The following STK11 variants were observed in gnomAD, a reference collection of about 807,000 sequenced individuals.
STK11 encodes the protein serine/threonine kinase 11, also known as serine/threonine-protein kinase STK11.
Under a neutral mutation model 47.3 loss-of-function variants are expected in STK11, and 8 were observed. The ratio of observed to expected loss-of-function variants is 0.17; its 90% confidence interval spans 0.10 to 0.31. The LOEUF (loss-of-function observed/expected upper bound fraction) is 0.31. Ranked by LOEUF, STK11 falls within the 10% of genes least tolerant of loss-of-function variation. STK11 has a pLI of 1.00. For synonymous variants in STK11, 330 were observed against 255.8 expected (o/e 1.29, Z -2.77); for missense variants, 475 against 605.0 (o/e 0.79, Z 2.25).
intron 1 of STK11, among the ~76,000 whole-genome samples, chr19:1,213,845 T>C (rs1432200637): frequency 6.6e-6 from 1 of 151,930 alleles, no homozygotes; most frequent in Non-Finnish European, 1.5e-5. Flanking sequence ...TGGGTCTCCA[T>C]GTGCCTCCCA....
In STK11 at chr19:1,219,428, C is replaced by T. The variant is rs1057521355; in HGVS notation, c.464+15C>T. 1.3e-6 allele frequency: 2 copies of T among 1,553,968 alleles called. No homozygotes were observed. The highest frequency in any genetic ancestry group is 4.9e-5 in the East Asian group (2 of 40,582). On this transcript the variant is annotated intron_variant, in intron 3 of 9. Coordinates refer to ENST00000326873, the MANE Select transcript of STK11 (RefSeq NM_000455.5). ...CAGGCCCACGGGTGCGTGCGCGGGG[C>T]AGGGGCCAGGGTGGGGCGGGGGCCG...
chr19:1,218,484 G>C lies in STK11; in HGVS notation c.358G>C (p.Glu120Gln), dbSNP rs775595174. 2 of 1,613,562 alleles carry C rather than the reference G, an allele frequency of 1.2e-6. No homozygotes were observed. The highest frequency in any genetic ancestry group is 1.7e-5 in the Admixed American group (1 of 60,020). Residue 120 changes from glutamate to glutamine, a missense_variant, in exon 2 of 10, where the codon GAA (glutamate) becomes CAA (glutamine). Glu to Gln is a conservative substitution (Grantham distance 29). Around this residue, in one of 5 missense-constraint regions of STK11, gnomAD observed 46 missense variants for 45.5 expected, o/e 1.01. Coordinates refer to ENST00000326873, the MANE Select transcript of STK11 (RefSeq NM_000455.5). ...CCAGCTGGTGGATGTGTTATACAAC[G>C]AAGAGAAGCAGAAAATATATCCTTT... Reference protein sequence around the residue: ...VIQLVDVLYNEEKQKMYMVME... With the variant: ...VIQLVDVLYNQEKQKMYMVME...
intron 1 of STK11, among the ~76,000 whole-genome samples, chr19:1,208,073 T>G (rs7256801): frequency 1.3e-5 from 2 of 152,082 alleles, no homozygotes; most frequent in Middle Eastern, 3.4e-3. Flanking sequence ...TTTCCCAGCC[T>G]TCTTAACTTT....
At position 1,207,051 on chromosome 19, in the gene STK11, C is replaced by T. The variant is rs2080671593; in HGVS notation, c.138C>T (p.Ile46=). 1 of 1,613,868 alleles carries T rather than the reference C, an allele frequency of 6.2e-7. No homozygotes were observed. Among genetic ancestry groups the T allele is most frequent in the Non-Finnish European group, 8.5e-7 (1 of 1,179,878 alleles). ...CGCGCCGCAAGCGGGCCAAGCTCATCGGCAAGTACCTGATGGGGGACCTGC... is the reference window on the plus strand; with the variant it reads ...CGCGCCGCAAGCGGGCCAAGCTCATTGGCAAGTACCTGATGGGGGACCTGC... ...YQPRRKRAKL[I]GKYLMGDLLG... The change falls in exon 1 of 10, where the codon ATC becomes ATT. Residue 46 remains isoleucine, a synonymous_variant. Transcript: ENST00000326873.
rs922149435 is a variant in STK11, at chr19:1,227,934, G to C, written c.*358G>C. On this transcript the variant is annotated 3_prime_UTR_variant, in exon 10 of 10. Coordinates refer to ENST00000326873, the MANE Select transcript of STK11 (RefSeq NM_000455.5). ...GCAGGGCGCCCAGCGCCGTCCGGCG[G>C]CCCCGCCGCAGACCAGCTGGCGGGT... The C allele has an allele frequency of 5.2e-5, 56 of 1,070,308 alleles. No individual in the cohort carries two copies. Among genetic ancestry groups the C allele is most frequent in the Middle Eastern group, 8.3e-4 (2 of 2,408 alleles). 66.3% of individuals were successfully genotyped at this position (1,070,308 alleles called of 1,614,324 possible).
At chr19:1,226,244 G>C in intron 8 of STK11, 1 of 1,414,252 alleles carries the variant, frequency 7.1e-7, no homozygotes, top group African/African-American at 1.5e-5. Context: ...CTCCTGCCCA[G>C]GCCATCTGCG....
In STK11 at chr19:1,216,210, C is replaced by T. The variant is rs568155470; in HGVS notation, c.291-2207C>T. On this transcript the variant is annotated intron_variant, in intron 1 of 9. Transcript: ENST00000326873. ...CCACTACTTCTAATTCCAGAACGTTCGGTCACCCCAAAAGCAAGCCCCATT... is the reference window on the plus strand; with the variant it reads ...CCACTACTTCTAATTCCAGAACGTTTGGTCACCCCAAAAGCAAGCCCCATT... The T allele has an allele frequency of 3.0e-5, 5 of 164,754 alleles. No homozygotes were observed. The South Asian group carries it at 6.1e-4, about 20-fold the overall frequency. The allele number at this position is 164,754 out of a possible 1,614,324, so 10.2% of individuals were successfully genotyped here. A position where few individuals can be genotyped will look rare whatever the true frequency, so the allele number is the denominator to read the frequency against.
At chr19:1,217,076 C>A (rs898688203) in intron 1 of STK11, among the ~76,000 whole-genome samples, 2 of 151,892 alleles carry the variant, frequency 1.3e-5, no homozygotes, top group African/African-American at 2.4e-5. Flanking sequence ...TTCTGCGTGG[C>A]GTGTACTGTT....
In STK11 at chr19:1,223,104, C is replaced by CGGACGA. The variant is rs762810203; in HGVS notation, c.1051_1056dup (p.Glu351_Asp352dup). ...CCGTACTTGGAGGACCTGCACGGCG[C>CGGACGA]GGACGAGGACGAGGACCTCTTCGAC... is the stretch of plus-strand genomic sequence containing the variant. On this transcript the variant is annotated inframe_insertion, in exon 8 of 10. Coordinates refer to ENST00000326873, the MANE Select transcript of STK11 (RefSeq NM_000455.5). 8 of 1,611,302 alleles carry CGGACGA rather than the reference C, an allele frequency of 5.0e-6. No homozygotes were observed. The highest frequency in any genetic ancestry group is 1.3e-5 in the African/African-American group (1 of 75,036).
chr19:1,218,107 G>A (rs530661083), intron 1 of STK11, among the ~76,000 whole-genome samples: 12 of 152,070 alleles, frequency 7.9e-5, no homozygotes, highest in African/African-American at 2.9e-4. Context: ...TCGGGCCACC[G>A]TGCTCCAGCC....
chr19:1,217,714 G>A (rs2080753894), intron 1 of STK11, among the ~76,000 whole-genome samples: 1 of 152,196 alleles, frequency 6.6e-6, no homozygotes, highest in Non-Finnish European at 1.5e-5. Context: ...CCTCCAAGGA[G>A]TGGGACCCTC....
intron 8 of STK11, 125 bp from the exon 9 acceptor site, chr19:1,226,329 A>AC (rs2080820324): frequency 9.4e-6 from 14 of 1,492,880 alleles, no homozygotes; most frequent in African/African-American, 5.6e-5. Flanking sequence ...CCTGGGCCTG[A>AC]CCCGGGGGCG....
chr19:1,218,515 G>A lies in STK11; in HGVS notation c.374+15G>A. 1 of 1,611,734 alleles carries A rather than the reference G, an allele frequency of 6.2e-7. No individual in the cohort carries two copies. Among genetic ancestry groups the A allele is most frequent in the Non-Finnish European group, 8.5e-7 (1 of 1,178,596 alleles). ...AAGCAGAAAATATATCCTTTCCGGT[G>A]TTGGGACCGCGGGGCCTCCGTGGGA... is the stretch of plus-strand genomic sequence containing the variant. On this transcript the variant is annotated intron_variant, in intron 2 of 9. Coordinates refer to ENST00000326873, the MANE Select transcript of STK11 (RefSeq NM_000455.5).
intron 5 of STK11, 55 bp downstream of exon 5, chr19:1,220,772 G>A (rs2145425800): frequency 6.5e-7 from 1 of 1,546,860 alleles, no homozygotes; most frequent in Non-Finnish European, 8.8e-7. Context: ...AGGGGCCTCT[G>A]CGTCTTGGGC....
At chr19:1,227,572 C>G in intron 9 of STK11, 21 bp from the exon 10 acceptor site, 1 of 1,063,880 alleles carries the variant, frequency 9.4e-7, no homozygotes, top group South Asian at 4.5e-5. Flanking sequence ...TGACCTCTTC[C>G]GTCTTCCTTC....
chr19:1,219,460 A>T (rs781353508), intron 3 of STK11, 47 bp downstream of exon 3: 1 of 1,210,868 alleles, frequency 8.3e-7, no homozygotes, highest in Non-Finnish European at 1.1e-6. Flanking sequence ...GCCGGGGGCC[A>T]GGCAGGGCAG....
At chr19:1,209,269 T>G (rs2080692720) in intron 1 of STK11, among the ~76,000 whole-genome samples, 1 of 151,942 alleles carries the variant, frequency 6.6e-6, no homozygotes. Flanking sequence ...AGTGACAGTC[T>G]CTCTCCCAGC....
intron 8 of STK11, chr19:1,225,559 G>A (rs1327782741): frequency 6.1e-6 from 6 of 985,422 alleles, no homozygotes; most frequent in South Asian, 9.4e-5. Flanking sequence ...GTGAGCCACC[G>A]CGACCGGCCC....
chr19:1,206,633 C>T lies in STK11; in HGVS notation c.-281C>T, dbSNP rs999235609. 1 of 509,526 alleles carries T rather than the reference C, an allele frequency of 2.0e-6. No individual in the cohort carries two copies. The highest frequency in any genetic ancestry group is 2.6e-5 in the South Asian group (1 of 38,510). 31.6% of individuals were successfully genotyped at this position (509,526 alleles called of 1,614,324 possible). A position where few individuals can be genotyped will look rare whatever the true frequency, so the allele number is the denominator to read the frequency against. ...CCGGGCCGTCTCCCAGTTCTGAGGC[C>T]CGGGTCCCACTGGAACTCGCGTCTG... On this transcript the variant is annotated 5_prime_UTR_variant, in exon 1 of 10. Coordinates refer to ENST00000326873, the MANE Select transcript of STK11 (RefSeq NM_000455.5).
Sources: gnomAD v4.1 joint callset for allele counts (sites outside exome capture counted in the v4.1 genomes callset) on GRCh38, gnomAD v4.1.1 for gene constraint, gnomAD v4.1.1 regional missense constraint, MANE v1.5 for transcripts, NCBI Gene and HGNC (gene_info 2026-07-23, HGNC 2026-07-21) for gene names.